COL6A2: variants seen among roughly 807,000 people sequenced by gnomAD.
COL6A2 encodes collagen alpha-2(VI) chain.
A neutral mutation model predicts 124.9 loss-of-function variants in COL6A2; 90 were observed. The ratio of observed to expected loss-of-function variants is 0.72; its 90% confidence interval spans 0.61 to 0.86. The LOEUF is 0.86. Among genes scored for constraint, COL6A2 ranks in the 40% least tolerant of loss-of-function variants. The pLI is 0.00. For synonymous variants in COL6A2, 793 were observed against 618.2 expected, an observed-to-expected ratio of 1.28 and a Z score of -4.19; for missense variants, 1,607 against 1,502.5, an observed-to-expected ratio of 1.07 and a Z score of -1.15.
intron 1 of COL6A2, among the ~76,000 whole-genome samples, chr21:46,104,237 G>C (rs1176189042): frequency 3.3e-5 from 5 of 152,056 alleles, no homozygotes; most frequent in Non-Finnish European, 7.4e-5. Context: ...CAAAGGCTTT[G>C]AAAGAACTAT....
Position 46,112,349 on chromosome 21 carries a change from C to T in COL6A2, c.486C>T (p.Asp162=), listed in dbSNP as rs759158550. The T allele has an allele frequency of 1.6e-5, 26 of 1,609,308 alleles. No individual in the cohort carries two copies. The highest frequency in any genetic ancestry group is 8.0e-5 in the African/African-American group (6 of 74,824). The change falls in exon 3 of 28, where the codon GAC becomes GAT. Residue 162 remains aspartate (D), a synonymous_variant. Transcript: ENST00000300527. The part of the protein sequence containing the change: ...GTVHFAVVIT[D]GHVTGSPCGG... ...TCCACTTCGCCGTGGTCATCACCGA[C>T]GGCCACGTCACCGGCAGCCCCTGCG...
chr21:46,118,811 C>A, intron 13 of COL6A2, 135 bp downstream of exon 13: 1 of 1,140,848 alleles, frequency 8.8e-7, no homozygotes, highest in Non-Finnish European at 1.3e-6. Context: ...CGGGGAGGGA[C>A]AGGAAGAACA....
rs1402561863 is a variant in COL6A2 at position 46,125,557 on chromosome 21, T to G, written c.1909T>G (p.Phe637Val). The G allele has an allele frequency of 6.2e-7, 1 of 1,612,808 alleles. No homozygotes were observed. Among genetic ancestry groups the G allele is most frequent in the South Asian group, 1.1e-5 (1 of 91,090 alleles). The change falls in exon 25 of 28, where the codon TTC becomes GTC. Residue 637 changes from phenylalanine (F) to valine (V), a missense_variant. Phe to Val is a conservative substitution (Grantham distance 50). Transcript: ENST00000300527. ...CACCAACTTCACACTGGAGAAGAACTTCGTCATCAACGTGGTCAACAGGCT... is the reference window on the plus strand; with the variant it reads ...CACCAACTTCACACTGGAGAAGAACGTCGTCATCAACGTGGTCAACAGGCT... ...GYTNFTLEKN[F>V]VINVVNRLGA...
chr21:46,098,543 C>CG (rs1016612662), intron 1 of COL6A2, among the ~76,000 whole-genome samples: 259 of 151,348 alleles, frequency 1.7e-3, no homozygotes, highest in African/African-American at 6.0e-3. Context: ...CCAGGCCCCG[C>CG]GTCTGCGAGC....
chr21:46,131,432 G>A (rs1217127127), intron 27 of COL6A2, among the ~76,000 whole-genome samples: 3 of 152,336 alleles, frequency 2.0e-5, no homozygotes, highest in African/African-American at 4.8e-5. Flanking sequence ...TCCCCACCAT[G>A]GCCAATCAGA....
In COL6A2 at chr21:46,132,052, C is replaced by T. The variant is rs775590810; in HGVS notation, c.2560C>T (p.Arg854Cys). 40 of 1,607,366 alleles carry T rather than the reference C, an allele frequency of 2.5e-5. No homozygotes were observed. The highest frequency in any genetic ancestry group is 3.2e-5 in the Non-Finnish European group (38 of 1,178,934). ...LGEQNFHKAR[R>C]FVEQVARRLT... ...TGAGCAGAACTTCCACAAGGCCCGGCGCTTCGTGGAGCAGGTGGCGCGGCG... is the reference window on the plus strand; with the variant it reads ...TGAGCAGAACTTCCACAAGGCCCGGTGCTTCGTGGAGCAGGTGGCGCGGCG... Residue 854 changes from arginine to cysteine, a missense_variant, in exon 28 of 28, where the codon CGC (arginine) becomes TGC (cysteine). Arg to Cys is a radical substitution (Grantham distance 180, BLOSUM62 -3). Around this residue, in one of 3 missense-constraint regions of COL6A2, gnomAD observed 1,223 missense variants for 1,052.2 expected, o/e 1.16. Transcript: ENST00000300527.
rs1158417696 is a variant in COL6A2, at chr21:46,112,007, C to T, written c.144C>T (p.Tyr48=). ...AGACCGACTGCCCCATCCACGTGTA[C>T]TTCGTGCTGGACACCTCGGAGAGCG... ...PEKTDCPIHV[Y]FVLDTSESVT... Residue 48 remains tyrosine, a synonymous_variant, in exon 3 of 28, where the codon TAC becomes TAT. Transcript: ENST00000300527. The T allele has an allele frequency of 6.2e-7, 1 of 1,612,666 alleles. No homozygotes were observed. Among genetic ancestry groups the T allele is most frequent in the Non-Finnish European group, 8.5e-7 (1 of 1,180,016 alleles).
chr21:46,121,056 T>C lies in COL6A2; in HGVS notation c.1396-5T>C. The C allele has an allele frequency of 6.2e-7, 1 of 1,612,616 alleles. No individual in the cohort carries two copies. The highest frequency in any genetic ancestry group is 8.5e-7 in the Non-Finnish European group (1 of 1,179,868). On this transcript the variant is annotated splice_region_variant and splice_polypyrimidine_tract_variant and intron_variant, in intron 16 of 27. Coordinates refer to ENST00000300527, the MANE Select transcript of COL6A2 (RefSeq NM_001849.4). ...AGAACCCCAAATTCCTCCCCTTTCT[T>C]CCAGGGAGACCGAGGCTTGCCTGGA...
rs2123663990 is a variant in COL6A2, at chr21:46,125,991, T to G, written c.2176T>G (p.Phe726Val). 6.2e-7 allele frequency: 1 copy of G among 1,612,932 alleles called. No individual in the cohort carries two copies. Among genetic ancestry groups the G allele is most frequent in the Non-Finnish European group, 8.5e-7 (1 of 1,179,832 alleles). The change falls in exon 26 of 28, where the codon TTT (phenylalanine) becomes GTT (valine). Residue 726 changes from phenylalanine to valine, a missense_variant. This residue lies in a region of COL6A2 where 1,223 missense variants were observed against 1,052.2 expected (regional missense o/e 1.16). Transcript: ENST00000300527. ...KESRRQKTRVFAVVITDGRHD... is the reference protein window; with the variant it reads ...KESRRQKTRVVAVVITDGRHD... ...GAGCCGGCGCCAGAAGACACGTGTG[T>G]TTGCGGTGGTCATCACGGACGGGCG...
At chr21:46,126,266 CGAG>C (rs757466741) in intron 26 of COL6A2, 29 bp downstream of exon 26, 1 of 1,594,838 alleles carries the variant, frequency 6.3e-7, no homozygotes, top group East Asian at 2.2e-5. Context: ...GGCAGTCGGC[CGAG>C]GAGCAGCAGG....
Position 46,132,606 on chromosome 21 carries a change from G to A in COL6A2, c.*54G>A, listed in dbSNP as rs1054107563. 5 of 1,508,634 alleles carry A rather than the reference G, an allele frequency of 3.3e-6. No individual in the cohort carries two copies. The highest frequency in any genetic ancestry group is 1.4e-5 in the African/African-American group (1 of 72,634). The allele number at this position is 1,508,634 out of a possible 1,614,324, so 93.5% of individuals were successfully genotyped here. A position where few individuals can be genotyped will look rare whatever the true frequency, so the allele number is the denominator to read the frequency against. ...GTCGTGAGCCCACCCCGTCCATGGTGCTAAGCGGGCCCGGGTCCCACACGG... is the reference window on the plus strand; with the variant it reads ...GTCGTGAGCCCACCCCGTCCATGGTACTAAGCGGGCCCGGGTCCCACACGG... On this transcript the variant is annotated 3_prime_UTR_variant, in exon 28 of 28. Coordinates refer to ENST00000300527, the MANE Select transcript of COL6A2 (RefSeq NM_001849.4).
rs568102534 is a variant in COL6A2 at position 46,125,765 on chromosome 21, C to T, written c.1970-20C>T. 6.2e-6 allele frequency: 10 copies of T among 1,609,746 alleles called. No homozygotes were observed. In the African/African-American group the frequency reaches 9.3e-5, roughly 15 times the overall value. On this transcript the variant is annotated intron_variant, in intron 25 of 27. Transcript: ENST00000300527. ...AGACCCCGAGGCCTCTGGCAACGAC[C>T]TCACGCGTGCGGCTTGCAGGGACGC...
rs147044688 is a variant in COL6A2 at position 46,132,105 on chromosome 21, C to T, written c.2613C>T (p.Asp871=). 1.9e-6 allele frequency: 3 copies of T among 1,592,170 alleles called. No homozygotes were observed. The highest frequency in any genetic ancestry group is 1.7e-6 in the Non-Finnish European group (2 of 1,172,102). The change falls in exon 28 of 28, where the codon GAC becomes GAT. Residue 871 remains aspartate (D), a synonymous_variant. Transcript: ENST00000300527. ...RRLTLARRDD[D]PLNARVALLQ... is the part of the protein sequence containing the mutation. ...TGACGCTGGCCCGGAGGGACGACGA[C>T]CCTCTCAACGCACGCGTGGCGCTGC...
intron 27 of COL6A2, 56 bp from the exon 28 acceptor site, chr21:46,131,883 GTGCGGGGCTGGCACC>G: frequency 7.1e-7 from 1 of 1,407,008 alleles, no homozygotes; most frequent in Non-Finnish European, 9.7e-7. Flanking sequence ...AAGGGCACAG[GTGCGGGGCTGGCACC>G]TGCCCGGTCC....
Position 46,132,030 on chromosome 21 carries a change from G to A in COL6A2, c.2538G>A (p.Glu846=), listed in dbSNP as rs144475977. 235 of 1,608,812 alleles carry A rather than the reference G, an allele frequency of 1.5e-4. No homozygotes were observed. The highest frequency in any genetic ancestry group is 1.8e-4 in the Non-Finnish European group (211 of 1,179,304). ...TGGACGGCTCCGAGCGGCTGGGTGA[G>A]CAGAACTTCCACAAGGCCCGGCGCT... is the stretch of plus-strand genomic sequence containing the variant. ...FLLDGSERLG[E]QNFHKARRFV... is the part of the protein sequence containing the mutation. Residue 846 remains glutamate, a synonymous_variant, in exon 28 of 28, where the codon GAG becomes GAA. Coordinates refer to ENST00000300527, the MANE Select transcript of COL6A2 (RefSeq NM_001849.4).
rs956734373 is a variant in COL6A2 at position 46,112,871 on chromosome 21, A to G, written c.735+47A>G. 37 of 1,612,562 alleles carry G rather than the reference A, an allele frequency of 2.3e-5. No homozygotes were observed. The Admixed American group carries it at 4.5e-4, about 20-fold the overall frequency. ...GCCAGTGCTGGCCGGCAGCTGACCCAGCAGAGATGACCGCGCCAGGCTGCC... is the reference window on the plus strand; with the variant it reads ...GCCAGTGCTGGCCGGCAGCTGACCCGGCAGAGATGACCGCGCCAGGCTGCC... On this transcript the variant is annotated intron_variant, in intron 4 of 27. Transcript: ENST00000300527.
chr21:46,114,099 G>A, intron 5 of COL6A2, 26 bp downstream of exon 5: 1 of 1,593,790 alleles, frequency 6.3e-7, no homozygotes, highest in Non-Finnish European at 8.6e-7. Context: ...TACCTGCAGG[G>A]TCTGCGCTAC....
At chr21:46,111,944 T>G in intron 2 of COL6A2, 35 bp from the exon 3 acceptor site, 2 of 1,599,558 alleles carry the variant, frequency 1.3e-6, no homozygotes, top group Non-Finnish European at 1.7e-6. Context: ...CAGTCCCTCC[T>G]GAGGCTGGCT....
chr21:46,115,969 C>A (rs774071265), intron 6 of COL6A2, 40 bp from the exon 7 acceptor site: 2 of 1,611,220 alleles, frequency 1.2e-6, no homozygotes, highest in South Asian at 2.2e-5. Flanking sequence ...CAGCCCAGCG[C>A]CCCAGGGCTG....
Sources: allele counts gnomAD v4.1 joint callset (sites outside exome capture counted in the v4.1 genomes callset), GRCh38; gene constraint gnomAD v4.1.1; regional missense constraint gnomAD v4.1.1; transcripts MANE v1.5; gene names NCBI Gene and HGNC (gene_info 2026-07-23, HGNC 2026-07-21).